The following PCDHGA3 variants were observed in gnomAD, a reference collection of about 807,000 sequenced individuals.
PCDHGA3 encodes protocadherin gamma subfamily A, 3, also known as protocadherin gamma-A3.
Under a neutral mutation model 58.5 loss-of-function variants are expected in PCDHGA3, and 40 were observed. The observed-to-expected ratio is 0.68, with a 90% CI of 0.53 to 0.89. PCDHGA3 has a LOEUF of 0.89. Ranked by LOEUF, PCDHGA3 falls within the 40% of genes least tolerant of loss-of-function variation. PCDHGA3 has a pLI of 0.00. For missense variants in PCDHGA3, 1,223 were observed against 1,195.9 expected, an observed-to-expected ratio of 1.02 and a Z score of -0.33; for synonymous variants, 530 against 525.7, an observed-to-expected ratio of 1.01 and a Z score of -0.11.
chr5:141,507,691 A>G (rs777728143), intron 3 of PCDHGA3, among the ~76,000 whole-genome samples: 72 of 152,198 alleles, frequency 4.7e-4, no homozygotes, highest in Non-Finnish European at 6.8e-4. Context: ...CAGAAATGAA[A>G]TCAGTATTTA....
chr5:141,360,791 A>T, intron 1 of PCDHGA3: 2 of 1,613,920 alleles, frequency 1.2e-6, no homozygotes, highest in East Asian at 4.5e-5. Context: ...GATGGCGGAG[A>T]CCCACCTCAA....
At chr5:141,376,047 C>G (rs778307171) in intron 1 of PCDHGA3, 2 of 1,613,296 alleles carry the variant, frequency 1.2e-6, no homozygotes, top group South Asian at 2.2e-5. Flanking sequence ...CCCCCTCTCT[C>G]CGCCACTGTC....
intron 1 of PCDHGA3, chr5:141,395,362 T>A: frequency 1.5e-6 from 2 of 1,294,628 alleles, no homozygotes; most frequent in Non-Finnish European, 1.0e-6. Context: ...AGTTTTGGGT[T>A]TATTTTGGTG....
Position 141,344,342 on chromosome 5 carries a change from G to C in PCDHGA3, c.309G>C (p.Leu103=). Residue 103 remains leucine (L), a synonymous_variant, in exon 1 of 4, where the codon CTG becomes CTC. Coordinates refer to ENST00000253812, the MANE Select transcript of PCDHGA3 (RefSeq NM_018916.4). ...TCTGCGCTCAGATCCCGCTGTGTCT[G>C]GTAAAAATTAACATTCTGGTTGAGG... ...EELCAQIPLC[L]VKINILVEDK... is the part of the protein sequence containing the mutation. 1.2e-6 allele frequency: 2 copies of C among 1,613,852 alleles called. No homozygotes were observed. Among genetic ancestry groups the C allele is most frequent in the East Asian group, 4.5e-5 (2 of 44,882 alleles).
intron 1 of PCDHGA3, chr5:141,356,637 T>A (rs1760285285): frequency 6.2e-7 from 1 of 1,614,020 alleles, no homozygotes; most frequent in African/African-American, 1.3e-5. Flanking sequence ...CTCAAGACCC[T>A]GACAGTGGTG....
chr5:141,428,197 G>A, intron 1 of PCDHGA3: 3 of 1,385,968 alleles, frequency 2.2e-6, no homozygotes, highest in Non-Finnish European at 3.0e-6. Context: ...CGCTCTCTGC[G>A]CCGCTACGCT....
At position 141,351,599 on chromosome 5, in the gene PCDHGA3, G is replaced by A. The variant is rs1225223997; in HGVS notation, c.2424+5142G>A. The A allele has an allele frequency of 7.4e-6, 12 of 1,614,054 alleles. No homozygotes were observed. The highest frequency in any genetic ancestry group is 1.0e-5 in the Non-Finnish European group (12 of 1,179,904). On this transcript the variant is annotated intron_variant, in intron 1 of 3. Coordinates refer to ENST00000253812, the MANE Select transcript of PCDHGA3 (RefSeq NM_018916.4). ...CTCCGACATCAACGACAATGCACCTGTTTTCCATCAGGCCTCCTATGTGGT... is the reference window on the plus strand; with the variant it reads ...CTCCGACATCAACGACAATGCACCTATTTTCCATCAGGCCTCCTATGTGGT...
At chr5:141,410,430 A>G in intron 1 of PCDHGA3, 1 of 1,613,976 alleles carries the variant, frequency 6.2e-7, no homozygotes, top group Middle Eastern at 1.6e-4. Context: ...CCCCCCAACT[A>G]CAGTGAGGGG....
intron 2 of PCDHGA3, among the ~76,000 whole-genome samples, chr5:141,502,783 G>A (rs2099816035): frequency 6.6e-6 from 1 of 151,652 alleles, no homozygotes; most frequent in African/African-American, 2.4e-5. Context: ...AAAATTACCT[G>A]GATGATTTCT....
At chr5:141,380,956 A>G (rs1776884378) in intron 1 of PCDHGA3, among the ~76,000 whole-genome samples, 1 of 152,252 alleles carries the variant, frequency 6.6e-6, no homozygotes, top group African/African-American at 2.4e-5. Context: ...CAAGAAGTTC[A>G]AAAGTACTAT....
In PCDHGA3 at chr5:141,494,849, A is replaced by C; in HGVS notation, c.2467A>C (p.Arg823=). ...NTDWRFSQAQ[R]PGTSGSQNGD... ...GGACTGGCGTTTCTCTCAGGCCCAG[A>C]GACCCGGCACCAGCGGGTAGGTGAC... Residue 823 remains arginine, a synonymous_variant, in exon 2 of 4, where the codon AGA becomes CGA. Transcript: ENST00000253812. 1 of 1,614,102 alleles carries C rather than the reference A, an allele frequency of 6.2e-7. No individual in the cohort carries two copies. Among genetic ancestry groups the C allele is most frequent in the Non-Finnish European group, 8.5e-7 (1 of 1,180,014 alleles).
At chr5:141,469,374 A>G (rs1270202528) in intron 1 of PCDHGA3, among the ~76,000 whole-genome samples, 1 of 152,076 alleles carries the variant, frequency 6.6e-6, no homozygotes, top group Non-Finnish European at 1.5e-5. Flanking sequence ...AAAGAGATCG[A>G]GACCATCCTG....
intron 1 of PCDHGA3, among the ~76,000 whole-genome samples, chr5:141,481,743 G>C (rs1257734207): frequency 1.3e-5 from 2 of 152,096 alleles, no homozygotes; most frequent in Non-Finnish European, 2.9e-5. Context: ...CACGAGGTCA[G>C]GAGTCCAAGA....
intron 1 of PCDHGA3, chr5:141,356,846 G>T (rs766650445): frequency 6.2e-7 from 1 of 1,614,178 alleles, no homozygotes; most frequent in Admixed American, 1.7e-5. Flanking sequence ...GTGTCACTGA[G>T]CCTCTTTGTG....
chr5:141,370,950 C>T (rs78666647), intron 1 of PCDHGA3: 61,748 of 1,613,994 alleles, frequency 0.038, 1,384 homozygotes, highest in Middle Eastern at 0.054. Flanking sequence ...GAAGGAGAAC[C>T]TGGATGGCAG....
chr5:141,375,281 A>G (rs1157577123), intron 1 of PCDHGA3: 3 of 1,613,848 alleles, frequency 1.9e-6, no homozygotes, highest in Admixed American at 3.3e-5. Context: ...ATCAGTTGGC[A>G]ATTATTATCG....
rs1271015462 is a variant in PCDHGA3, at chr5:141,344,790, G to C, written c.757G>C (p.Glu253Gln). 1 of 1,613,972 alleles carries C rather than the reference G, an allele frequency of 6.2e-7. No individual in the cohort carries two copies. The highest frequency in any genetic ancestry group is 1.3e-5 in the African/African-American group (1 of 75,026). Residue 253 changes from glutamate (E) to glutamine (Q), a missense_variant, in exon 1 of 4, where the codon GAG (glutamate) becomes CAG (glutamine). By Grantham distance (29) the Glu-to-Gln change is conservative. Coordinates refer to ENST00000253812, the MANE Select transcript of PCDHGA3 (RefSeq NM_018916.4). Reference sequence around the variant, plus strand: ...GCCTGAGTACCGTGTGAGTGTTTGGGAGAACGTGCCTGTGGGTACCCGGCT... The same window carrying C: ...GCCTGAGTACCGTGTGAGTGTTTGGCAGAACGTGCCTGTGGGTACCCGGCT... Reference protein sequence around the residue: ...TQPEYRVSVWENVPVGTRLLT... With the variant: ...TQPEYRVSVWQNVPVGTRLLT...
At chr5:141,365,439 G>A (rs1010180647) in intron 1 of PCDHGA3, 3 of 1,613,890 alleles carry the variant, frequency 1.9e-6, no homozygotes, top group Non-Finnish European at 2.5e-6. Context: ...GCGCTGTTTA[G>A]CGTACATGAT....
In PCDHGA3 at chr5:141,477,595, T is replaced by C. The variant is rs1289890776; in HGVS notation, c.2425-17212T>C. The C allele has an allele frequency of 6.2e-7, 1 of 1,614,176 alleles. No individual in the cohort carries two copies. Among genetic ancestry groups the C allele is most frequent in the Non-Finnish European group, 8.5e-7 (1 of 1,180,032 alleles). ...ACGCCCCGCAGAATGCTCGGCTTTC[T>C]TTCTTTCTCTTGGAGCAAGGAGCTG... On this transcript the variant is annotated intron_variant, in intron 1 of 3. Coordinates refer to ENST00000253812, the MANE Select transcript of PCDHGA3 (RefSeq NM_018916.4). This position sits in a 1 kb window ranked among gnomAD's most constrained non-coding sequence, Gnocchi z 4.9.
Sources: gnomAD v4.1 joint callset for allele counts (sites outside exome capture counted in the v4.1 genomes callset) on GRCh38, gnomAD v4.1.1 for gene constraint, Gnocchi (gnomAD v3.1) non-coding constraint, MANE v1.5 for transcripts, NCBI Gene and HGNC (gene_info 2026-07-23, HGNC 2026-07-21) for gene names.